The following TPM3 variants were observed in gnomAD, a reference collection of about 807,000 sequenced individuals.
TPM3 encodes tropomyosin 3.
TPM3 carries 16 observed loss-of-function variants against 43.1 expected under a neutral mutation model. The ratio of observed to expected loss-of-function variants is 0.37; its 90% CI spans 0.25 to 0.56. TPM3 has a LOEUF of 0.56. Ranked by LOEUF, TPM3 falls within the 20% of genes least tolerant of loss-of-function variation. The probability of loss-of-function intolerance (pLI) is 0.77; values close to 1 mark genes in which losing one functional copy is unlikely to be tolerated. For synonymous variants in TPM3, 101 were observed against 116.9 expected (o/e 0.86, Z 0.88); for missense variants, 176 against 337.2 (o/e 0.52, Z 3.74).
rs1170530069 is a variant in TPM3 at position 154,166,075 on chromosome 1, G to A, written c.*1862C>T. 6.6e-6 allele frequency among the ~76,000 whole-genome samples: 1 copy of A among 152,178 alleles called. No homozygotes were observed. Among genetic ancestry groups the A allele is most frequent in the Non-Finnish European group, 1.5e-5 (1 of 68,046 alleles). On this transcript the variant is annotated 3_prime_UTR_variant, in exon 10 of 10. Coordinates refer to ENST00000651641, the MANE Select transcript of TPM3 (RefSeq NM_152263.4). Reference sequence around the variant, plus strand: ...ATATCCTATACCTAGAAGATACCAGGAAGTGTCAGCTGAATAAATGAATCT... The same window carrying A: ...ATATCCTATACCTAGAAGATACCAGAAAGTGTCAGCTGAATAAATGAATCT...
At chr1:154,191,500 T>A (rs1484913923) in intron 1 of TPM3, 189 bp from the exon 2 acceptor site, 2 of 1,313,934 alleles carry the variant, frequency 1.5e-6, no homozygotes, top group Admixed American at 2.2e-5. Context: ...CCCTGTAATC[T>A]CTGATCCTAA....
intron 2 of TPM3, among the ~76,000 whole-genome samples, chr1:154,190,966 A>C (rs1440726676): frequency 1.3e-5 from 2 of 152,174 alleles, no homozygotes; most frequent in East Asian, 3.8e-4. Context: ...AGACCTTTAC[A>C]TGTATTAAAA....
intron 3 of TPM3, among the ~76,000 whole-genome samples, chr1:154,174,440 G>A (rs1286501782): frequency 8.4e-6 from 1 of 118,464 alleles, no homozygotes; most frequent in Admixed American, 1.0e-4. Context: ...CTTCCCCAAA[G>A]TAATAATATA....
chr1:154,170,997 C>T (rs1266540553), intron 6 of TPM3: 4 of 529,520 alleles, frequency 7.6e-6, no homozygotes, highest in Admixed American at 6.4e-5. Flanking sequence ...CTTTCCCCTG[C>T]TTGATGAGCA....
rs1424745811 is a variant in TPM3, at chr1:154,162,027, G to C, written c.*5910C>G. On this transcript the variant is annotated 3_prime_UTR_variant, in exon 10 of 10. Coordinates refer to ENST00000651641, the MANE Select transcript of TPM3 (RefSeq NM_152263.4). ...TAAAACAAAACAAACGAAAAGGCAA[G>C]GCAGAGAACCTATTTGGTCTAGCGT... Among the ~76,000 whole-genome samples the C allele has an allele frequency of 1.3e-5, 2 of 152,116 alleles. No homozygotes were observed. The highest frequency in any genetic ancestry group is 2.9e-5 in the Non-Finnish European group (2 of 68,022).
rs1661100854 is a variant in TPM3 at position 154,167,413 on chromosome 1, C to A, written c.*524G>T. 6.6e-6 allele frequency: 7 copies of A among 1,066,312 alleles called. No individual in the cohort carries two copies. The South Asian group carries it at 3.1e-4, about 47-fold the overall frequency. The allele number at this position is 1,066,312 out of a possible 1,614,324, so 66.1% of individuals were successfully genotyped here. A position where few individuals can be genotyped will look rare whatever the true frequency, so the allele number is the denominator to read the frequency against. On this transcript the variant is annotated 3_prime_UTR_variant, in exon 10 of 10. Coordinates refer to ENST00000651641, the MANE Select transcript of TPM3 (RefSeq NM_152263.4). ...TCACTTCAATGGCTTCTCAATGACA[C>A]CACACCAAAGGAGGAATACCTGAAG...
intron 8 of TPM3, 122 bp downstream of exon 8, chr1:154,170,278 A>G: frequency 9.4e-7 from 1 of 1,065,268 alleles, no homozygotes; most frequent in South Asian, 1.3e-5. Flanking sequence ...GACAGTGCAC[A>G]TGATATTAAT....
At chr1:154,175,999 C>A in intron 3 of TPM3, 116 bp downstream of exon 3, 2 of 1,537,110 alleles carry the variant, frequency 1.3e-6, no homozygotes, top group South Asian at 1.1e-5. Context: ...GGATTACAGG[C>A]GTGAGCCATC....
intron 9 of TPM3, among the ~76,000 whole-genome samples, chr1:154,168,784 C>A (rs34128679): frequency 0.093 from 14,156 of 152,030 alleles, 1,042 homozygotes; most frequent in East Asian, 0.35. Context: ...CCTCAGCCTC[C>A]CAAAGTGCTG....
At chr1:154,177,332 C>G (rs1662450175) in intron 2 of TPM3, among the ~76,000 whole-genome samples, 1 of 152,176 alleles carries the variant, frequency 6.6e-6, no homozygotes, top group Non-Finnish European at 1.5e-5. Context: ...ATTCCTCCAG[C>G]CATCCCCTTA....
At chr1:154,176,709 G>A (rs1662372208) in intron 2 of TPM3, among the ~76,000 whole-genome samples, 1 of 151,656 alleles carries the variant, frequency 6.6e-6, no homozygotes, top group Non-Finnish European at 1.5e-5. Flanking sequence ...ACTGGGTGTG[G>A]TGGCTCATGC....
intron 2 of TPM3, among the ~76,000 whole-genome samples, chr1:154,189,438 A>G (rs771445544): frequency 2.0e-5 from 3 of 152,214 alleles, no homozygotes; most frequent in South Asian, 2.1e-4. Flanking sequence ...CAGTGAGCCT[A>G]GATTGTGCCA....
chr1:154,184,964 A>G (rs1256387631), intron 2 of TPM3, among the ~76,000 whole-genome samples: 1 of 151,932 alleles, frequency 6.6e-6, no homozygotes, highest in Non-Finnish European at 1.5e-5. Flanking sequence ...CAACAGCCAG[A>G]CATGAGTGCC....
chr1:154,172,837 CAT>C, intron 5 of TPM3, 69 bp downstream of exon 5: 1 of 1,560,164 alleles, frequency 6.4e-7, no homozygotes, highest in Admixed American at 1.7e-5. Context: ...CTAATTTATT[CAT>C]ATTAGTGCCC....
chr1:154,157,195 C>T, downstream of TPM3: 2 of 329,902 alleles, frequency 6.1e-6, no homozygotes, highest in Non-Finnish European at 1.1e-5. Flanking sequence ...TAAGGCAGGC[C>T]TACACCTTTT....
intron 7 of TPM3, 64 bp downstream of exon 7, chr1:154,170,585 C>T: frequency 6.3e-7 from 1 of 1,591,576 alleles, no homozygotes; most frequent in Non-Finnish European, 8.6e-7. Context: ...AGTTTAAATC[C>T]ATATTAATGC....
downstream of TPM3, chr1:154,156,307 C>T: frequency 5.4e-6 from 1 of 183,560 alleles, no homozygotes; most frequent in Middle Eastern, 2.0e-3. Context: ...AACCTCATAG[C>T]TTCTGTGGAG....
At chr1:154,178,749 G>A (rs564931161) in intron 2 of TPM3, among the ~76,000 whole-genome samples, 2 of 152,280 alleles carry the variant, frequency 1.3e-5, no homozygotes, top group Admixed American at 6.5e-5. Flanking sequence ...ATCCAGATGC[G>A]GTTTTGGTGT....
rs1478515352 is a variant in TPM3 at position 154,162,167 on chromosome 1, G to T, written c.*5770C>A. ...GGGCAGATCACGAGGTCAGGAGTTT[G>T]AGATCAGCCTAACATGTTGAAACCT... is the stretch of plus-strand genomic sequence containing the variant. On this transcript the variant is annotated 3_prime_UTR_variant, in exon 10 of 10. Coordinates refer to ENST00000651641, the MANE Select transcript of TPM3 (RefSeq NM_152263.4). Among the ~76,000 whole-genome samples the T allele has an allele frequency of 6.6e-6, 1 of 151,890 alleles. No homozygotes were observed. The highest frequency in any genetic ancestry group is 1.5e-5 in the Non-Finnish European group (1 of 67,962).
Sources: allele counts gnomAD v4.1 joint callset (sites outside exome capture counted in the v4.1 genomes callset), GRCh38; gene constraint gnomAD v4.1.1; transcripts MANE v1.5; gene names NCBI Gene and HGNC (gene_info 2026-07-23, HGNC 2026-07-21).